Variants in DNAAF9 observed in about 807,000 individuals in gnomAD.
DNAAF9 encodes shulin.
DNAAF9 carries 90 observed loss-of-function variants against 167.0 expected under a neutral mutation model. The ratio of observed to expected loss-of-function variants is 0.54; its 90% CI spans 0.45 to 0.64. The LOEUF (loss-of-function observed/expected upper bound fraction) is 0.64. Ranked by LOEUF, DNAAF9 falls within the 30% of genes least tolerant of loss-of-function variation. The pLI, the probability that DNAAF9 is intolerant of heterozygous loss-of-function variation, is 0.00. For missense variants in DNAAF9, 1,315 were observed against 1,442.2 expected (o/e 0.91, Z 1.43); for synonymous variants, 491 against 508.8 (o/e 0.96, Z 0.47).
intron 3 of DNAAF9, among the ~76,000 whole-genome samples, chr20:3,378,814 G>C (rs1600891472): frequency 1.3e-5 from 2 of 152,158 alleles, no homozygotes; most frequent in East Asian, 3.9e-4. Flanking sequence ...ACACAGCTGA[G>C]TGGCCTCCTG....
intron 16 of DNAAF9, among the ~76,000 whole-genome samples, chr20:3,321,783 G>C (rs1045306555): frequency 1.3e-5 from 2 of 152,080 alleles, no homozygotes; most frequent in South Asian, 4.1e-4. Flanking sequence ...ACGCTGTCAA[G>C]ACTGGTCTCA....
At chr20:3,299,570 C>A (rs1245857492) in intron 21 of DNAAF9, among the ~76,000 whole-genome samples, 1 of 152,164 alleles carries the variant, frequency 6.6e-6, no homozygotes, top group African/African-American at 2.4e-5. Context: ...CCTTGGCCTC[C>A]CAAAGTGCTG....
intron 10 of DNAAF9, among the ~76,000 whole-genome samples, chr20:3,337,477 T>A (rs186866986): frequency 6.8e-6 from 1 of 146,704 alleles, no homozygotes; most frequent in Admixed American, 7.0e-5. Context: ...AGAGACCAGG[T>A]TTCACTGTGT....
chr20:3,315,142 C>A lies in DNAAF9; in HGVS notation c.1591-22G>T, dbSNP rs749403642. On this transcript the variant is annotated intron_variant, in intron 19 of 36. Transcript: ENST00000252032. The surrounding 1 kb of genome is among the most constrained non-coding windows in gnomAD (Gnocchi z 4.1). Reference sequence around the variant, plus strand: ...CCCCCTTTAAAAACAACAACAAAAACAAAAATCCAAAAAAGAATAGGTGAT... The same window carrying A: ...CCCCCTTTAAAAACAACAACAAAAAAAAAAATCCAAAAAAGAATAGGTGAT... 3.6e-6 allele frequency: 5 copies of A among 1,382,822 alleles called. No homozygotes were observed. The highest frequency in any genetic ancestry group is 1.4e-5 in the African/African-American group (1 of 70,048). 85.7% of individuals were successfully genotyped at this position (1,382,822 alleles called of 1,614,324 possible). A position where few individuals can be genotyped will look rare whatever the true frequency, so the allele number is the denominator to read the frequency against.
intron 1 of DNAAF9, among the ~76,000 whole-genome samples, chr20:3,400,340 C>T (rs1001424277): frequency 6.6e-6 from 1 of 151,944 alleles, no homozygotes; most frequent in African/African-American, 2.4e-5. Flanking sequence ...TAGTAAACTC[C>T]AAGTAAACAA....
chr20:3,353,765 C>A (rs77107081), intron 7 of DNAAF9, among the ~76,000 whole-genome samples: 2 of 151,694 alleles, frequency 1.3e-5, no homozygotes, highest in East Asian at 3.9e-4. Context: ...TGGTTTGGGT[C>A]TATGACAGGA....
chr20:3,296,786 T>C (rs2069088100), intron 23 of DNAAF9, 75 bp downstream of exon 23: 3 of 905,220 alleles, frequency 3.3e-6, no homozygotes, highest in Admixed American at 1.9e-5. Flanking sequence ...TGTTACATAA[T>C]GCGAGGCATC....
intron 9 of DNAAF9, among the ~76,000 whole-genome samples, chr20:3,341,844 C>T (rs925855320): frequency 3.9e-5 from 6 of 152,094 alleles, no homozygotes; most frequent in African/African-American, 1.4e-4. Context: ...GTGGCGCGAT[C>T]TCGGCTCACT....
rs758002344 is a variant in DNAAF9 at position 3,264,466 on chromosome 20, G to A, written c.2845C>T (p.Arg949Ter). The change falls in exon 31 of 37, where the codon CGA (arginine) becomes TGA (stop). Residue 949 changes from arginine to a stop codon, truncating the protein, a stop_gained. Coordinates refer to ENST00000252032, the MANE Select transcript of DNAAF9 (RefSeq NM_001009984.3). LOFTEE classifies it high-confidence loss of function. ...CCAGGATACATTAAATATCGAGATC[G>A]TAGCATCTCAGGACTTGAAAAACTG... ...ENSFSSPEML[R>*]SRYLMYPGWY... The A allele has an allele frequency of 8.4e-6, 13 of 1,540,336 alleles. No homozygotes were observed. The highest frequency in any genetic ancestry group is 5.6e-5 in the South Asian group (5 of 89,464).
chr20:3,340,454 C>CCCCCCCAA, intron 10 of DNAAF9, 50 bp downstream of exon 10: 1 of 1,053,078 alleles, frequency 9.5e-7, no homozygotes, highest in Non-Finnish European at 1.3e-6. Context: ...ACCCCACCCC[C>CCCCCCCAA]ACAACTTGAT....
chr20:3,289,279 G>A (rs1033810826), intron 26 of DNAAF9, among the ~76,000 whole-genome samples: 1 of 152,098 alleles, frequency 6.6e-6, no homozygotes, highest in Non-Finnish European at 1.5e-5. Context: ...AAAACTTAAA[G>A]TATAATTTTA....
At chr20:3,384,985 C>G (rs1281313788) in intron 1 of DNAAF9, among the ~76,000 whole-genome samples, 2 of 151,808 alleles carry the variant, frequency 1.3e-5, no homozygotes, top group Admixed American at 6.6e-5. Context: ...TGAATGTACC[C>G]TGAAAATGTG....
chr20:3,270,703 CA>C, intron 29 of DNAAF9, 141 bp from the exon 30 acceptor site: 1 of 639,316 alleles, frequency 1.6e-6, no homozygotes, highest in South Asian at 1.8e-5. Context: ...ACCCCAATAC[CA>C]ACATAAACAG....
intron 6 of DNAAF9, among the ~76,000 whole-genome samples, chr20:3,372,207 T>C (rs2083519406): frequency 6.6e-6 from 1 of 152,190 alleles, no homozygotes; most frequent in South Asian, 2.1e-4. Context: ...GCTCAGGCAG[T>C]CATCAGGCCA....
intron 26 of DNAAF9, among the ~76,000 whole-genome samples, chr20:3,288,633 T>C (rs970934465): frequency 1.3e-5 from 2 of 152,234 alleles, no homozygotes; most frequent in Non-Finnish European, 2.9e-5. Flanking sequence ...CGACTCTCTA[T>C]GCAATTTCAG....
In DNAAF9 at chr20:3,253,841, TA is replaced by T. The variant is rs1298995277; in HGVS notation, c.3328-23del. The T allele has an allele frequency of 3.1e-6, 4 of 1,310,262 alleles. No individual in the cohort carries two copies. The Admixed American group carries it at 5.0e-5, about 17-fold the overall frequency. 81.2% of individuals were successfully genotyped at this position (1,310,262 alleles called of 1,614,324 possible). On this transcript the variant is annotated intron_variant, in intron 35 of 36. Coordinates refer to ENST00000252032, the MANE Select transcript of DNAAF9 (RefSeq NM_001009984.3). ...TTACCTGTAGGAGAAAAGAGACCTG[TA>T]ATAATTATCTGACTACTTTCTATAC...
At chr20:3,255,950 A>G in intron 34 of DNAAF9, 56 bp downstream of exon 34, 1 of 1,349,660 alleles carries the variant, frequency 7.4e-7, no homozygotes, top group Non-Finnish European at 1.0e-6. Flanking sequence ...GGCCAACAGC[A>G]GCTCTGAGGT....
intron 21 of DNAAF9, among the ~76,000 whole-genome samples, chr20:3,300,882 T>C (rs2069173470): frequency 6.7e-6 from 1 of 150,208 alleles, no homozygotes; most frequent in Non-Finnish European, 1.5e-5. Flanking sequence ...AGATTGTTCA[T>C]TGGTAGGGCA....
intron 21 of DNAAF9, among the ~76,000 whole-genome samples, chr20:3,298,406 C>A (rs2069121248): frequency 6.6e-6 from 1 of 152,134 alleles, no homozygotes; most frequent in Admixed American, 6.6e-5. Flanking sequence ...TGATGGCTCA[C>A]TGCAGCCATC....
Sources: allele counts gnomAD v4.1 joint callset (sites outside exome capture counted in the v4.1 genomes callset), GRCh38; gene constraint gnomAD v4.1.1; non-coding constraint Gnocchi (gnomAD v3.1); transcripts MANE v1.5; gene names NCBI Gene and HGNC (gene_info 2026-07-23, HGNC 2026-07-21).